Variants in DPYS observed in about 807,000 individuals in gnomAD.
The protein encoded by DPYS is dihydropyrimidinase.
In DPYS, 39 loss-of-function variants were observed where a neutral mutation model predicts 50.3. The ratio of observed to expected loss-of-function variants is 0.78; its 90% CI spans 0.60 to 1.01. The LOEUF is 1.01. Among genes scored for constraint, DPYS ranks in the 50% least tolerant of loss-of-function variants. DPYS has a pLI of 0.00. For synonymous variants in DPYS, 245 were observed against 250.7 expected (o/e 0.98, Z 0.22); for missense variants, 659 against 680.9 (o/e 0.97, Z 0.36).
Position 104,424,403 on chromosome 8 carries a change from C to T in DPYS, c.1093-14G>A, listed in dbSNP as rs1216056593. On this transcript the variant is annotated splice_polypyrimidine_tract_variant and intron_variant, in intron 6 of 9. Transcript: ENST00000351513. ...TTTACCACTATGCTGTAAAGCAATT[C>T]AAAGAATCATTCTAATGATCAAATA... is the stretch of plus-strand genomic sequence containing the variant. The T allele has an allele frequency of 6.2e-7, 1 of 1,612,886 alleles. No individual in the cohort carries two copies. The highest frequency in any genetic ancestry group is 2.2e-5 in the East Asian group (1 of 44,842).
intron 3 of DPYS, among the ~76,000 whole-genome samples, chr8:104,445,056 C>T (rs1420570546): frequency 1.3e-5 from 2 of 152,200 alleles, no homozygotes; most frequent in Non-Finnish European, 2.9e-5. Context: ...ATCAAAACTA[C>T]ACTGAGATAT....
Position 104,447,516 on chromosome 8 carries a change from A to T in DPYS, c.424-13T>A, listed in dbSNP as rs762309678. On this transcript the variant is annotated splice_polypyrimidine_tract_variant and intron_variant, in intron 2 of 9. Transcript: ENST00000351513. ...TTTCTTCTTTAACCTAAAAGGAAGC[A>T]GCAACCATAACAACAATATGTTACT... 3 of 1,613,892 alleles carry T rather than the reference A, an allele frequency of 1.9e-6. No individual in the cohort carries two copies. The highest frequency in any genetic ancestry group is 2.2e-5 in the South Asian group (2 of 91,058).
intron 5 of DPYS, 66 bp from the exon 6 acceptor site, chr8:104,428,187 T>C (rs1229761017): frequency 2.5e-6 from 4 of 1,595,312 alleles, no homozygotes; most frequent in Admixed American, 3.3e-5. Flanking sequence ...GAAACTGCCA[T>C]AACCTTTCCT....
intron 8 of DPYS, 84 bp downstream of exon 8, chr8:104,392,700 C>A: frequency 6.5e-7 from 1 of 1,529,844 alleles, no homozygotes; most frequent in Non-Finnish European, 9.0e-7. Flanking sequence ...GTGTCAACAC[C>A]ACTACTACCA....
chr8:104,397,722 C>T (rs1253261434), intron 7 of DPYS, among the ~76,000 whole-genome samples: 2 of 152,164 alleles, frequency 1.3e-5, no homozygotes, highest in African/African-American at 2.4e-5. Flanking sequence ...TACTCCATTT[C>T]CAAGATGATA....
At chr8:104,386,874 C>T (rs3793359) in intron 8 of DPYS, among the ~76,000 whole-genome samples, 29,083 of 151,924 alleles carry the variant, frequency 0.19, 3,395 homozygotes, top group East Asian at 0.39. Flanking sequence ...GTGATCCACC[C>T]GCTTCAGCAT....
In DPYS at chr8:104,451,261, C is replaced by T. The variant is rs748565150; in HGVS notation, c.408G>A (p.Thr136=). The T allele has an allele frequency of 7.4e-6, 12 of 1,613,894 alleles. No individual in the cohort carries two copies. Among genetic ancestry groups the T allele is most frequent in the African/African-American group, 1.3e-5 (1 of 74,900 alleles). ...GGTGCTTTACCTGGTCACTCCACCA[C>T]GTCACTGCCACATGAAGGCTGTAGT... ...CCDYSLHVAV[T]WWSDQVKEEM... Residue 136 remains threonine, a synonymous_variant, in exon 2 of 10, where the codon ACG becomes ACA. Transcript: ENST00000351513.
At chr8:104,399,656 T>C (rs2140538678) in intron 7 of DPYS, among the ~76,000 whole-genome samples, 1 of 151,614 alleles carries the variant, frequency 6.6e-6, no homozygotes, top group Middle Eastern at 3.4e-3. Flanking sequence ...GATCACGAGA[T>C]CAGGAGATTG....
chr8:104,409,301 A>G (rs1474640627), intron 7 of DPYS, among the ~76,000 whole-genome samples: 1 of 151,596 alleles, frequency 6.6e-6, no homozygotes, highest in Non-Finnish European at 1.5e-5. Flanking sequence ...CCTGGCCAAC[A>G]TAGTGAAACC....
rs757644776 is a variant in DPYS, at chr8:104,428,022, A to G, written c.1050T>C (p.Asn350=). Residue 350 remains asparagine, a synonymous_variant, in exon 6 of 10, where the codon AAT becomes AAC. Coordinates refer to ENST00000351513, the MANE Select transcript of DPYS (RefSeq NM_001385.3). ...TTACGGACATCCGATCTTCAACACC[A>G]TTCACCCCATTGGGGATCTTGGTAA... ...DDFTKIPNGV[N]GVEDRMSVIW... is the part of the protein sequence containing the mutation. 6.2e-7 allele frequency: 1 copy of G among 1,614,138 alleles called. No individual in the cohort carries two copies. Among genetic ancestry groups the G allele is most frequent in the African/African-American group, 1.3e-5 (1 of 75,042 alleles).
At chr8:104,454,574 T>C (rs1813861944) in intron 1 of DPYS, among the ~76,000 whole-genome samples, 1 of 152,100 alleles carries the variant, frequency 6.6e-6, no homozygotes, top group Admixed American at 6.6e-5. Context: ...GTGAAGGGAG[T>C]GGGAGATCAC....
chr8:104,397,971 T>G (rs1409221903), intron 7 of DPYS, among the ~76,000 whole-genome samples: 1 of 152,226 alleles, frequency 6.6e-6, no homozygotes, highest in Non-Finnish European at 1.5e-5. Context: ...CAAACAGTGT[T>G]TAAAATCTAT....
At chr8:104,440,448 A>T (rs765791757) in intron 4 of DPYS, among the ~76,000 whole-genome samples, 1 of 152,132 alleles carries the variant, frequency 6.6e-6, no homozygotes, top group Non-Finnish European at 1.5e-5. Context: ...CATTCTAGGG[A>T]CCACACTGTG....
intron 7 of DPYS, among the ~76,000 whole-genome samples, chr8:104,398,656 G>GA (rs951169117): frequency 6.6e-5 from 10 of 152,194 alleles, no homozygotes; most frequent in Admixed American, 5.2e-4. Context: ...TCTTGAATGT[G>GA]AAGGCTGAAC....
intron 1 of DPYS, among the ~76,000 whole-genome samples, chr8:104,455,116 T>G (rs1233189478): frequency 1.3e-5 from 2 of 152,092 alleles, no homozygotes; most frequent in Non-Finnish European, 2.9e-5. Flanking sequence ...ATTCTGCACA[T>G]GTATCCCAGA....
chr8:104,388,843 G>A (rs1811297859), intron 8 of DPYS, among the ~76,000 whole-genome samples: 2 of 152,144 alleles, frequency 1.3e-5, no homozygotes, highest in South Asian at 4.1e-4. Flanking sequence ...GCATGGTATG[G>A]TGTTGACAAA....
chr8:104,453,336 C>G (rs1176246702), intron 1 of DPYS, among the ~76,000 whole-genome samples: 3 of 152,148 alleles, frequency 2.0e-5, no homozygotes, highest in African/African-American at 4.8e-5. Context: ...ATTCCTCAGG[C>G]TTTGTATTTT....
rs546332152 is a variant in DPYS at position 104,407,953 on chromosome 8, A to G, written c.1236-14962T>C. 1.0e-4 allele frequency among the ~76,000 whole-genome samples: 15 copies of G among 143,980 alleles called. No individual in the cohort carries two copies. The South Asian group carries it at 2.9e-3, about 28-fold the overall frequency. The allele number at this position is 143,980 out of a possible 152,430, so 94.5% of individuals were successfully genotyped here. On this transcript the variant is annotated intron_variant, in intron 7 of 9. Coordinates refer to ENST00000351513, the MANE Select transcript of DPYS (RefSeq NM_001385.3). ...CTTTTCACTTCTGGCTTAAGACAGG[A>G]AGAAAAAAAAAAAGTCATCTTGGTG...
rs1462686452 is a variant in DPYS at position 104,379,491 on chromosome 8, A to T, written c.*367T>A. The T allele has an allele frequency of 5.9e-6, 1 of 170,484 alleles. No individual in the cohort carries two copies. Among genetic ancestry groups the T allele is most frequent in the Non-Finnish European group, 1.3e-5 (1 of 79,424 alleles). The allele number at this position is 170,484 out of a possible 1,614,324, so 10.6% of individuals were successfully genotyped here. A position where few individuals can be genotyped will look rare whatever the true frequency, so the allele number is the denominator to read the frequency against. On this transcript the variant is annotated 3_prime_UTR_variant, in exon 10 of 10. Transcript: ENST00000351513. Reference sequence around the variant, plus strand: ...AAAAGTAAAATCACAGAGCTATTTTAAAACTAATGTAACCATTTTTTTAAA... The same window carrying T: ...AAAAGTAAAATCACAGAGCTATTTTTAAACTAATGTAACCATTTTTTTAAA...
Sources: gnomAD v4.1 joint callset for allele counts (sites outside exome capture counted in the v4.1 genomes callset) on GRCh38, gnomAD v4.1.1 for gene constraint, MANE v1.5 for transcripts, NCBI Gene and HGNC (gene_info 2026-07-23, HGNC 2026-07-21) for gene names.